GRM7: variants seen among roughly 807,000 people sequenced by gnomAD.
GRM7 encodes metabotropic glutamate receptor 7.
GRM7 carries 35 observed loss-of-function variants against 84.5 expected under a neutral mutation model. The observed-to-expected ratio is 0.41, with a 90% CI of 0.32 to 0.55. The LOEUF is 0.55. GRM7 is among the 20% of genes least tolerant of loss of function. The probability of loss-of-function intolerance (pLI) is 0.19; values close to 1 mark genes in which losing one functional copy is unlikely to be tolerated. For missense variants in GRM7, 1,003 were observed against 1,194.6 expected, an observed-to-expected ratio of 0.84 and a Z score of 2.36; for synonymous variants, 487 against 455.1, an observed-to-expected ratio of 1.07 and a Z score of -0.89.
chr3:7,137,540 G>A (rs1693810563), intron 1 of GRM7, among the ~76,000 whole-genome samples: 1 of 152,074 alleles, frequency 6.6e-6, no homozygotes, highest in African/African-American at 2.4e-5. Context: ...CTTGTCATCA[G>A]TGTCACCTGA....
At chr3:6,971,201 A>G (rs1420307758) in intron 1 of GRM7, among the ~76,000 whole-genome samples, 1 of 152,170 alleles carries the variant, frequency 6.6e-6, no homozygotes, top group Non-Finnish European at 1.5e-5. Flanking sequence ...AAATAACAAC[A>G]AAGCACTTTG....
chr3:7,661,819 A>AT (rs1699465065), intron 8 of GRM7, among the ~76,000 whole-genome samples: 1 of 145,290 alleles, frequency 6.9e-6, no homozygotes, highest in African/African-American at 2.5e-5. Flanking sequence ...AAAAAAAAAA[A>AT]ATGTAAAATG....
chr3:7,334,290 TC>T (rs1701318876), intron 4 of GRM7, among the ~76,000 whole-genome samples: 1 of 151,872 alleles, frequency 6.6e-6, no homozygotes, highest in Admixed American at 6.6e-5. Context: ...GGGATTGGGG[TC>T]CTATCTTTAG....
intron 1 of GRM7, among the ~76,000 whole-genome samples, chr3:6,877,712 C>A (rs1241786570): frequency 1.3e-5 from 2 of 151,638 alleles, no homozygotes; most frequent in Non-Finnish European, 2.9e-5. Context: ...AGAAAATAGG[C>A]CACTGGATAT....
intron 3 of GRM7, among the ~76,000 whole-genome samples, chr3:7,300,959 A>C (rs750105662): frequency 1.3e-5 from 2 of 152,214 alleles, no homozygotes; most frequent in Non-Finnish European, 2.9e-5. Context: ...TGAACAAGTG[A>C]ATGAAATTCC....
At chr3:7,387,915 C>T (rs538965612) in intron 4 of GRM7, among the ~76,000 whole-genome samples, 11 of 152,158 alleles carry the variant, frequency 7.2e-5, no homozygotes, top group Admixed American at 4.6e-4. Flanking sequence ...TTCTTACAAC[C>T]TATGAGCATG....
At chr3:7,386,991 G>A (rs918213193) in intron 4 of GRM7, among the ~76,000 whole-genome samples, 2 of 151,930 alleles carry the variant, frequency 1.3e-5, no homozygotes, top group Non-Finnish European at 2.9e-5. Flanking sequence ...TTTCATTGTG[G>A]TTTTTATTTG....
At chr3:7,392,603 G>C (rs1695044971) in intron 4 of GRM7, among the ~76,000 whole-genome samples, 1 of 152,194 alleles carries the variant, frequency 6.6e-6, no homozygotes, top group Non-Finnish European at 1.5e-5. Flanking sequence ...TTCTGCCTGA[G>C]TCTTGGTCTC....
At chr3:7,203,255 C>A (rs956495776) in intron 2 of GRM7, among the ~76,000 whole-genome samples, 9 of 152,196 alleles carry the variant, frequency 5.9e-5, no homozygotes, top group African/African-American at 2.2e-4. Context: ...TCATTCTATT[C>A]TCTACGTCCA....
intron 1 of GRM7, among the ~76,000 whole-genome samples, chr3:7,087,669 T>A (rs1384460491): frequency 6.6e-6 from 1 of 152,094 alleles, no homozygotes; most frequent in African/African-American, 2.4e-5. Flanking sequence ...AGAGAGGAAG[T>A]AAATGAGTAC....
At chr3:6,995,822 A>G (rs1315733430) in intron 1 of GRM7, among the ~76,000 whole-genome samples, 1 of 152,198 alleles carries the variant, frequency 6.6e-6, no homozygotes, top group African/African-American at 2.4e-5. Context: ...GCAAGGGACC[A>G]TGGGAAGAAG....
chr3:7,162,912 A>G (rs1478087399), intron 2 of GRM7, among the ~76,000 whole-genome samples: 1 of 151,368 alleles, frequency 6.6e-6, no homozygotes, highest in African/African-American at 2.4e-5. Context: ...GGAGTGCACC[A>G]CAGTACCAGG....
rs953250399 is a variant in GRM7, at chr3:7,166,322, A to G, written c.736+19654A>G. ...CATTGTGATATTTTTCAGAACAGAA[A>G]CATTATATACCAAATTTAGCCAATA... On this transcript the variant is annotated intron_variant, in intron 2 of 9. Transcript: ENST00000357716. Among the ~76,000 whole-genome samples the G allele has an allele frequency of 2.2e-4, 34 of 152,296 alleles. 3 individuals carry two copies. Among genetic ancestry groups the G allele is most frequent in the Admixed American group, 1.3e-3 (20 of 15,302 alleles).
At chr3:7,032,064 C>G (rs1034198047) in intron 1 of GRM7, among the ~76,000 whole-genome samples, 4 of 152,176 alleles carry the variant, frequency 2.6e-5, no homozygotes, top group Non-Finnish European at 4.4e-5. Context: ...TTTGAAGTGC[C>G]TAATATCCTA....
chr3:7,586,936 C>A (rs1185381343), intron 8 of GRM7, among the ~76,000 whole-genome samples: 1 of 152,050 alleles, frequency 6.6e-6, no homozygotes, highest in Non-Finnish European at 1.5e-5. Context: ...TTTTAAATAT[C>A]CAAATTAACC....
chr3:7,585,274 T>A (rs544506789), intron 8 of GRM7, among the ~76,000 whole-genome samples: 1 of 152,266 alleles, frequency 6.6e-6, no homozygotes, highest in South Asian at 2.1e-4. Flanking sequence ...ACCTTGGTGA[T>A]AACTGAGTTT....
At chr3:7,457,186 C>G (rs1354706745) in intron 6 of GRM7, among the ~76,000 whole-genome samples, 1 of 152,152 alleles carries the variant, frequency 6.6e-6, no homozygotes, top group Non-Finnish European at 1.5e-5. Flanking sequence ...GGTAGGAGTT[C>G]TGTTCCAGAT....
At chr3:6,924,431 A>G (rs965099131) in intron 1 of GRM7, among the ~76,000 whole-genome samples, 7 of 152,180 alleles carry the variant, frequency 4.6e-5, no homozygotes, top group African/African-American at 1.7e-4. Flanking sequence ...ACTTTAAAAA[A>G]TCTTAAAGCC....
At chr3:6,975,022 G>T (rs1431526383) in intron 1 of GRM7, among the ~76,000 whole-genome samples, 1 of 152,126 alleles carries the variant, frequency 6.6e-6, no homozygotes, top group Non-Finnish European at 1.5e-5. Flanking sequence ...TTTAGCAGAG[G>T]AAGTACTAAA....
Sources: allele counts gnomAD v4.1 joint callset (sites outside exome capture counted in the v4.1 genomes callset), GRCh38; gene constraint gnomAD v4.1.1; transcripts MANE v1.5; gene names NCBI Gene and HGNC (gene_info 2026-07-23, HGNC 2026-07-21).